Variants in LAMC3 observed in about 807,000 individuals in gnomAD.
LAMC3 encodes laminin subunit gamma-3.
A neutral mutation model predicts 173.8 loss-of-function variants in LAMC3; 128 were observed. The observed-to-expected ratio is 0.74, with a 90% confidence interval of 0.64 to 0.85. The LOEUF (loss-of-function observed/expected upper bound fraction) is 0.85. LAMC3 is among the 40% of genes least tolerant of loss of function. The pLI, the probability that LAMC3 is intolerant of heterozygous loss-of-function variation, is 0.00. For missense variants in LAMC3, 2,022 were observed against 2,156.0 expected, an observed-to-expected ratio of 0.94 and a Z score of 1.23; for synonymous variants, 897 against 909.1, an observed-to-expected ratio of 0.99 and a Z score of 0.24.
chr9:131,038,834 T>C (rs1444444930), intron 4 of LAMC3, 30 bp from the exon 5 acceptor site: 1 of 1,608,574 alleles, frequency 6.2e-7, no homozygotes, highest in South Asian at 1.1e-5. Context: ...CACAGGGGAC[T>C]CACACACCTT....
intron 13 of LAMC3, among the ~76,000 whole-genome samples, chr9:131,063,753 TCATC>T (rs1829875167): frequency 6.6e-6 from 1 of 152,190 alleles, no homozygotes; most frequent in Non-Finnish European, 1.5e-5. Flanking sequence ...TCACTCATCA[TCATC>T]AGTTTCAATC....
At chr9:131,024,570 G>A (rs915306699) in intron 1 of LAMC3, among the ~76,000 whole-genome samples, 6 of 152,158 alleles carry the variant, frequency 3.9e-5, no homozygotes, top group Non-Finnish European at 8.8e-5. Context: ...AGGGAAGGAA[G>A]GATCAGAGAA....
chr9:131,052,529 C>A lies in LAMC3; in HGVS notation c.1669C>A (p.Pro557Thr). 1 of 1,614,146 alleles carries A rather than the reference C, an allele frequency of 6.2e-7. No homozygotes were observed. The highest frequency in any genetic ancestry group is 2.2e-5 in the East Asian group (1 of 44,872). ...LGDQRFSYGQ[P>T]LILTFRVPPG... Reference sequence around the variant, plus strand: ...AGACCAGCGGTTCAGCTATGGGCAGCCCCTCATACTGACCTTCCGGGTGCC... The same window carrying A: ...AGACCAGCGGTTCAGCTATGGGCAGACCCTCATACTGACCTTCCGGGTGCC... The change falls in exon 10 of 28, where the codon CCC becomes ACC. Residue 557 changes from proline (P) to threonine (T), a missense_variant. Physicochemically the swap from Pro to Thr is conservative, Grantham distance 38 (BLOSUM62 -1). Transcript: ENST00000361069.
At chr9:131,036,722 C>G (rs910817363) in intron 4 of LAMC3, among the ~76,000 whole-genome samples, 1 of 152,226 alleles carries the variant, frequency 6.6e-6, no homozygotes, top group African/African-American at 2.4e-5. Flanking sequence ...CCAGGCAGCC[C>G]TTTGGTGTCC....
chr9:131,039,130 G>A lies in LAMC3; in HGVS notation c.1166-1G>A, dbSNP rs1402701697. The A allele has an allele frequency of 7.4e-6, 12 of 1,611,228 alleles. No homozygotes were observed. Among genetic ancestry groups the A allele is most frequent in the Non-Finnish European group, 1.0e-5 (12 of 1,179,972 alleles). ...ATTGCCCTGTGCCCTTCCTCTCCCAGGCTCCCTACACCTCCAGTGCGATGA... is the reference window on the plus strand; with the variant it reads ...ATTGCCCTGTGCCCTTCCTCTCCCAAGCTCCCTACACCTCCAGTGCGATGA... On this transcript the variant is annotated splice_acceptor_variant, in intron 5 of 27. Coordinates refer to ENST00000361069, the MANE Select transcript of LAMC3 (RefSeq NM_006059.4). LOFTEE classifies it high-confidence loss of function.
In LAMC3 at chr9:131,071,277, C is replaced by T. The variant is rs576757495; in HGVS notation, c.3070-207C>T. ...TGTGGTCAGCGGTGTCGGCAGGTGC[C>T]GTGAGGATGGGAGGGGAAGGGACAG... is the stretch of plus-strand genomic sequence containing the variant. On this transcript the variant is annotated intron_variant, in intron 17 of 27. Transcript: ENST00000361069. Among the ~76,000 whole-genome samples, 6 of 152,124 alleles carry T rather than the reference C, an allele frequency of 3.9e-5. No homozygotes were observed. In the East Asian group the frequency reaches 9.7e-4, roughly 25 times the overall value.
intron 7 of LAMC3, 120 bp from the exon 8 acceptor site, chr9:131,045,404 A>T (rs901465782): frequency 8.6e-7 from 1 of 1,159,938 alleles, no homozygotes; most frequent in Non-Finnish European, 1.3e-6. Context: ...CTGAAAAAAA[A>T]TTGTTTTTAA....
chr9:131,014,541 T>A (rs901236277), intron 1 of LAMC3, among the ~76,000 whole-genome samples: 4 of 152,226 alleles, frequency 2.6e-5, no homozygotes, highest in Non-Finnish European at 5.9e-5. Context: ...GCTTGGTCTG[T>A]TTACGTCCAT....
intron 15 of LAMC3, 152 bp from the exon 16 acceptor site, chr9:131,068,756 A>G (rs1829988176): frequency 1.3e-6 from 1 of 753,258 alleles, no homozygotes; most frequent in African/African-American, 1.8e-5. Context: ...TTTCCAGAGC[A>G]CAGCTGGGGA....
intron 7 of LAMC3, among the ~76,000 whole-genome samples, chr9:131,043,161 A>G (rs1348423648): frequency 6.6e-6 from 1 of 152,340 alleles, no homozygotes; most frequent in East Asian, 1.9e-4. Flanking sequence ...CAGTCTGATC[A>G]TGGTACAAAT....
At chr9:131,054,876 CACACAGTACGATATTCT>C (rs1834372808) in intron 11 of LAMC3, among the ~76,000 whole-genome samples, 1 of 152,056 alleles carries the variant, frequency 6.6e-6, no homozygotes, top group Non-Finnish European at 1.5e-5. Context: ...GAAAGGTAAT[CACACAGTACGATATTCT>C]GGGACTTGCT....
At chr9:131,090,718 C>G (rs745400194) in intron 27 of LAMC3, among the ~76,000 whole-genome samples, 6 of 152,176 alleles carry the variant, frequency 3.9e-5, no homozygotes, top group Non-Finnish European at 5.9e-5. Context: ...TGGTGAAACC[C>G]TGTCTCTACA....
Position 131,039,189 on chromosome 9 carries a change from T to C in LAMC3, c.1224T>C (p.Thr408=). ...TGTCACKPTV[T]GWKCDRCLPG... ...CCTGCGCCTGCAAGCCCACGGTGAC[T>C]GGCTGGAAGTGTGACCGCTGTCTGC... Residue 408 remains threonine (T), a synonymous_variant, in exon 6 of 28, where the codon ACT becomes ACC. Coordinates refer to ENST00000361069, the MANE Select transcript of LAMC3 (RefSeq NM_006059.4). 6.2e-7 allele frequency: 1 copy of C among 1,609,844 alleles called. No homozygotes were observed. Among genetic ancestry groups the C allele is most frequent in the Non-Finnish European group, 8.5e-7 (1 of 1,180,008 alleles).
intron 4 of LAMC3, among the ~76,000 whole-genome samples, chr9:131,038,306 AGCACGAGGGCGGCAGGTGTAAATGGGTCC>A (rs1470000759): frequency 2.0e-5 from 3 of 152,238 alleles, no homozygotes; most frequent in African/African-American, 7.2e-5. Flanking sequence ...GGCTGTGGGC[AGCACGAGGGCGGCAGGTGTAAATGGGTCC>A]GCACCTTTCA....
At chr9:131,069,897 C>A in intron 17 of LAMC3, 47 bp downstream of exon 17, 1 of 1,527,318 alleles carries the variant, frequency 6.5e-7, no homozygotes, top group Non-Finnish European at 8.9e-7. Context: ...TCTGTATTCC[C>A]AGCAAGTGCC....
chr9:131,073,949 T>C (rs991210396), intron 20 of LAMC3, among the ~76,000 whole-genome samples: 19 of 142,030 alleles, frequency 1.3e-4, no homozygotes, highest in East Asian at 6.0e-4. Flanking sequence ...CTTTTCTTTT[T>C]TTTTTTTTTT....
Position 131,067,226 on chromosome 9 carries a change from C to A in LAMC3, c.2593+21C>A, listed in dbSNP as rs201145428. 1.4e-4 allele frequency: 222 copies of A among 1,612,118 alleles called. 1 individual carries two copies. The African/African-American group carries it at 2.4e-3, about 17-fold the overall frequency. On this transcript the variant is annotated intron_variant, in intron 14 of 27. Coordinates refer to ENST00000361069, the MANE Select transcript of LAMC3 (RefSeq NM_006059.4). ...CATGCGTGAGTACCTACCTCCAGAC[C>A]CCAGGGTGGCACATGGTGGGCCCCT...
chr9:131,057,752 G>A (rs1387321571), intron 12 of LAMC3, among the ~76,000 whole-genome samples: 4 of 152,186 alleles, frequency 2.6e-5, no homozygotes, highest in Non-Finnish European at 4.4e-5. Context: ...GTCAGGAGAC[G>A]CTCAGGCTCT....
intron 6 of LAMC3, among the ~76,000 whole-genome samples, chr9:131,041,210 T>C (rs1834048331): frequency 6.6e-6 from 1 of 151,732 alleles, no homozygotes; most frequent in African/African-American, 2.4e-5. Context: ...CTACTAAAAA[T>C]ACAAAAATTA....
Sources: allele counts gnomAD v4.1 joint callset (sites outside exome capture counted in the v4.1 genomes callset), GRCh38; gene constraint gnomAD v4.1.1; transcripts MANE v1.5; gene names NCBI Gene and HGNC (gene_info 2026-07-23, HGNC 2026-07-21).